DAB2: variants seen among roughly 807,000 people sequenced by gnomAD.
DAB2 encodes the protein disabled homolog 2.
A neutral mutation model predicts 71.6 loss-of-function variants in DAB2; 28 were observed. The ratio of observed to expected loss-of-function variants is 0.39; its 90% confidence interval spans 0.29 to 0.54. DAB2 has a LOEUF of 0.54. DAB2 is among the 20% of genes least tolerant of loss of function. The pLI is 0.68. For synonymous variants in DAB2, 345 were observed against 339.7 expected (o/e 1.02, Z -0.17); for missense variants, 867 against 928.8 (o/e 0.93, Z 0.86).
intron 10 of DAB2, among the ~76,000 whole-genome samples, chr5:39,382,370 T>C (rs1754999126): frequency 6.6e-6 from 1 of 152,150 alleles, no homozygotes; most frequent in African/African-American, 2.4e-5. Flanking sequence ...GAAAAACTTG[T>C]GTTTAGTTTA....
At chr5:39,410,898 C>T (rs1322649312) in intron 1 of DAB2, among the ~76,000 whole-genome samples, 1 of 151,974 alleles carries the variant, frequency 6.6e-6, no homozygotes, top group African/African-American at 2.4e-5. Flanking sequence ...TAAAATTTAT[C>T]ATTTACATAC....
At chr5:39,405,705 A>G (rs1755594481) in intron 1 of DAB2, among the ~76,000 whole-genome samples, 1 of 152,238 alleles carries the variant, frequency 6.6e-6, no homozygotes, top group Non-Finnish European at 1.5e-5. Flanking sequence ...ATGCCCATGC[A>G]TAATTCTTTC....
chr5:39,375,435 G>C (rs905703636), intron 13 of DAB2, among the ~76,000 whole-genome samples: 20 of 152,298 alleles, frequency 1.3e-4, no homozygotes, highest in African/African-American at 4.6e-4. Context: ...CATGGGTCAG[G>C]TTAAGTGAGA....
At chr5:39,393,503 G>A in intron 2 of DAB2, 110 bp from the exon 3 acceptor site, 1 of 1,086,540 alleles carries the variant, frequency 9.2e-7, no homozygotes, top group East Asian at 2.4e-5. Flanking sequence ...TACTACAACT[G>A]ATCATGTATG....
intron 4 of DAB2, among the ~76,000 whole-genome samples, chr5:39,390,888 A>T (rs1755211415): frequency 1.3e-5 from 2 of 152,176 alleles, no homozygotes; most frequent in South Asian, 4.1e-4. Flanking sequence ...TGAAGAGGAG[A>T]CATTTAGCCC....
rs1049306066 is a variant in DAB2, at chr5:39,388,798, C to T, written c.624+1G>A. On this transcript the variant is annotated splice_donor_variant, in intron 8 of 14. Coordinates refer to ENST00000320816, the MANE Select transcript of DAB2 (RefSeq NM_001343.4). LOFTEE classifies it high-confidence loss of function. The stretch of plus-strand genomic sequence containing the variant: ...GTCAAACGTCACATATTAATACATA[C>T]CGATTTCAGTTTGTTAGTTTGGTCA... 5.0e-6 allele frequency: 8 copies of T among 1,612,044 alleles called. No homozygotes were observed. Among genetic ancestry groups the T allele is most frequent in the South Asian group, 1.1e-5 (1 of 91,012 alleles).
chr5:39,391,192 G>A (rs1755218885), intron 4 of DAB2, among the ~76,000 whole-genome samples: 1 of 152,094 alleles, frequency 6.6e-6, no homozygotes, highest in Non-Finnish European at 1.5e-5. Flanking sequence ...GAATTATAAG[G>A]GGTGGGGACT....
chr5:39,382,245 G>C (rs528786954), intron 10 of DAB2, among the ~76,000 whole-genome samples: 2 of 152,248 alleles, frequency 1.3e-5, no homozygotes, highest in Admixed American at 6.5e-5. Context: ...GGTGTGCAGG[G>C]CATGTGTTAG....
At chr5:39,418,632 C>T (rs1183554378) in intron 1 of DAB2, among the ~76,000 whole-genome samples, 1 of 152,088 alleles carries the variant, frequency 6.6e-6, no homozygotes, top group Non-Finnish European at 1.5e-5. Context: ...ATTTGTGTGC[C>T]TCTACTGATT....
Position 39,392,414 on chromosome 5 carries a change from C to A in DAB2, c.281G>T (p.Trp94Leu), listed in dbSNP as rs1292573164. 1 of 1,614,118 alleles carries A rather than the reference C, an allele frequency of 6.2e-7. No homozygotes were observed. The highest frequency in any genetic ancestry group is 8.5e-7 in the Non-Finnish European group (1 of 1,180,000). ...TATCCCAGAAAGGGAAATGTTGACC[C>A]AGATCCTTTGTTTGTGTTGTCCCTG... is the stretch of plus-strand genomic sequence containing the variant. ...RSQGQHKQRI[W>L]VNISLSGIKI... The change falls in exon 4 of 15, where the codon TGG (tryptophan) becomes TTG (leucine). Residue 94 changes from tryptophan to leucine, a missense_variant. Transcript: ENST00000320816.
rs1490575703 is a variant in DAB2, at chr5:39,371,838, AGGT to A, written c.*1590_*1592del. On this transcript the variant is annotated 3_prime_UTR_variant, in exon 15 of 15. Coordinates refer to ENST00000320816, the MANE Select transcript of DAB2 (RefSeq NM_001343.4). Reference sequence around the variant, plus strand: ...TAGTTACCTCCAGTTTAGCACATTTAGGTATTTGGACATTTAAAGTACTATTTC... The same window carrying A: ...TAGTTACCTCCAGTTTAGCACATTTAATTTGGACATTTAAAGTACTATTTC... The A allele has an allele frequency of 6.6e-6, 1 of 152,232 alleles. No individual in the cohort carries two copies. The highest frequency in any genetic ancestry group is 1.9e-4 in the East Asian group (1 of 5,202). The allele number at this position is 152,232 out of a possible 1,614,324, so 9.4% of individuals were successfully genotyped here. A position where few individuals can be genotyped will look rare whatever the true frequency, so the allele number is the denominator to read the frequency against.
intron 11 of DAB2, among the ~76,000 whole-genome samples, chr5:39,377,807 T>C (rs530366992): frequency 6.6e-6 from 1 of 152,318 alleles, no homozygotes; most frequent in East Asian, 1.9e-4. Flanking sequence ...CAATCACACA[T>C]GTGCACAAGA....
intron 10 of DAB2, 69 bp downstream of exon 10, chr5:39,382,549 C>T (rs1755002577): frequency 1.4e-6 from 2 of 1,457,070 alleles, no homozygotes; most frequent in South Asian, 1.3e-5. Flanking sequence ...GGAAAGAGAG[C>T]TTGCATCACA....
intron 1 of DAB2, among the ~76,000 whole-genome samples, chr5:39,402,654 G>A (rs1755529366): frequency 6.6e-6 from 1 of 152,134 alleles, no homozygotes; most frequent in Admixed American, 6.6e-5. Flanking sequence ...CTGACCTCAG[G>A]TGATCCATCT....
chr5:39,378,728 G>C (rs911934267), intron 11 of DAB2, among the ~76,000 whole-genome samples: 1 of 152,196 alleles, frequency 6.6e-6, no homozygotes, highest in African/African-American at 2.4e-5. Context: ...GTCATAGTCT[G>C]GGATGGTAGA....
chr5:39,411,888 T>C (rs564101063), intron 1 of DAB2, among the ~76,000 whole-genome samples: 1 of 152,216 alleles, frequency 6.6e-6, no homozygotes, highest in Admixed American at 6.5e-5. Context: ...ATTAACATAC[T>C]ACAGAAGCAT....
chr5:39,412,065 G>A (rs776340176), intron 1 of DAB2, among the ~76,000 whole-genome samples: 8 of 151,904 alleles, frequency 5.3e-5, no homozygotes, highest in African/African-American at 7.3e-5. Context: ...GAGCTGGGGC[G>A]GTTTCCTACC....
At chr5:39,409,637 C>G (rs1755677163) in intron 1 of DAB2, among the ~76,000 whole-genome samples, 1 of 152,110 alleles carries the variant, frequency 6.6e-6, no homozygotes, top group Non-Finnish European at 1.5e-5. Flanking sequence ...ACTGGTCTAC[C>G]CTTTCACAAA....
intron 11 of DAB2, among the ~76,000 whole-genome samples, chr5:39,379,739 A>G (rs1193569762): frequency 7.9e-6 from 1 of 125,874 alleles, no homozygotes; most frequent in African/African-American, 3.1e-5. Context: ...CCAGTTCTCC[A>G]GGGGAGACAG....
Sources: gnomAD v4.1 joint callset for allele counts (sites outside exome capture counted in the v4.1 genomes callset) on GRCh38, gnomAD v4.1.1 for gene constraint, MANE v1.5 for transcripts, NCBI Gene and HGNC (gene_info 2026-07-23, HGNC 2026-07-21) for gene names.